Variants in SEC24D observed in about 807,000 individuals in gnomAD.
SEC24D encodes the protein SEC24 homolog D, COPII component, also known as protein transport protein Sec24D.
A neutral mutation model predicts 116.9 loss-of-function variants in SEC24D; 69 were observed. That is an observed-to-expected ratio of 0.59 (90% CI 0.49 to 0.72). The LOEUF (loss-of-function observed/expected upper bound fraction) is 0.72, where lower values mean the gene tolerates loss of function less well. Among genes scored for constraint, SEC24D ranks in the 30% least tolerant of loss-of-function variants. The pLI, the probability that SEC24D is intolerant of heterozygous loss-of-function variation, is 0.00. For missense variants in SEC24D, 1,131 were observed against 1,264.1 expected, an observed-to-expected ratio of 0.89 and a Z score of 1.60; for synonymous variants, 405 against 442.8, an observed-to-expected ratio of 0.91 and a Z score of 1.07.
chr4:118,755,466 A>AG (rs1043340748), intron 11 of SEC24D, among the ~76,000 whole-genome samples: 1 of 122,244 alleles, frequency 8.2e-6, no homozygotes, highest in African/African-American at 3.4e-5. Context: ...CAAACAGACA[A>AG]AAAAAAAAAA....
intron 7 of SEC24D, 138 bp from the exon 8 acceptor site, chr4:118,797,948 T>C: frequency 1.5e-6 from 1 of 659,352 alleles, no homozygotes; most frequent in Non-Finnish European, 2.3e-6. Flanking sequence ...TGATTTGTTT[T>C]TTAAAAAAGT....
intron 21 of SEC24D, 47 bp from the exon 22 acceptor site, chr4:118,728,697 G>A (rs376044153): frequency 1.2e-4 from 136 of 1,101,450 alleles, no homozygotes; most frequent in Non-Finnish European, 1.5e-5. Context: ...ATAACATTTA[G>A]ATAGAAGTAG....
At chr4:118,830,824 G>C (rs973637790) in intron 2 of SEC24D, among the ~76,000 whole-genome samples, 1 of 151,964 alleles carries the variant, frequency 6.6e-6, no homozygotes, top group Admixed American at 6.6e-5. Flanking sequence ...AGGAGTTGAT[G>C]GTTTGGAAAA....
At chr4:118,774,512 C>CAGTG (rs758328431) in intron 8 of SEC24D, among the ~76,000 whole-genome samples, 17 of 152,154 alleles carry the variant, frequency 1.1e-4, no homozygotes, top group Non-Finnish European at 2.2e-4. Context: ...AATGCAAGGT[C>CAGTG]AGTGATAGGA....
intron 10 of SEC24D, chr4:118,758,588 T>C (rs1421614901): frequency 6.6e-6 from 1 of 152,120 alleles, no homozygotes; most frequent in Non-Finnish European, 1.5e-5. Context: ...TCTTACAAAA[T>C]ATTTAGAAAA....
At chr4:118,780,852 T>C (rs539326372) in intron 8 of SEC24D, among the ~76,000 whole-genome samples, 4 of 152,096 alleles carry the variant, frequency 2.6e-5, no homozygotes, top group African/African-American at 9.7e-5. Context: ...CTTGTCCCTT[T>C]TGATCTTTGT....
At chr4:118,748,057 A>T (rs1726628965) in intron 13 of SEC24D, among the ~76,000 whole-genome samples, 1 of 152,144 alleles carries the variant, frequency 6.6e-6, no homozygotes, top group African/African-American at 2.4e-5. Context: ...CAAGGTCAGG[A>T]GATCAAGATC....
chr4:118,831,124 C>T (rs565090888), intron 2 of SEC24D, among the ~76,000 whole-genome samples: 2 of 152,186 alleles, frequency 1.3e-5, no homozygotes, highest in Admixed American at 6.5e-5. Context: ...CTGGTTCAAG[C>T]GATTCTCATG....
chr4:118,741,039 T>TA lies in SEC24D; in HGVS notation c.1996-3dup. ...AAATTGTTGTCTATCCAAGTGCATCTAAAAAATAAAAGTCTAATCAATGTC... is the reference window on the plus strand; with the variant it reads ...AAATTGTTGTCTATCCAAGTGCATCTAAAAAAATAAAAGTCTAATCAATGTC... On this transcript the variant is annotated splice_region_variant and splice_polypyrimidine_tract_variant and intron_variant, in intron 15 of 22. Coordinates refer to ENST00000280551, the MANE Select transcript of SEC24D (RefSeq NM_014822.4). 1 of 1,532,254 alleles carries TA rather than the reference T, an allele frequency of 6.5e-7. No homozygotes were observed. The highest frequency in any genetic ancestry group is 8.9e-7 in the Non-Finnish European group (1 of 1,126,590). 94.9% of individuals were successfully genotyped at this position (1,532,254 alleles called of 1,614,324 possible).
chr4:118,805,803 T>C (rs779415793), intron 7 of SEC24D, 40 bp downstream of exon 7: 11 of 1,296,710 alleles, frequency 8.5e-6, no homozygotes, highest in African/African-American at 4.6e-5. Context: ...CGGTGAGAAA[T>C]TTTAAAACCT....
chr4:118,817,885 A>G (rs1329940009), intron 3 of SEC24D, among the ~76,000 whole-genome samples: 2 of 152,062 alleles, frequency 1.3e-5, no homozygotes, highest in Non-Finnish European at 2.9e-5. Flanking sequence ...ACAAAAAATA[A>G]AACAAAATAA....
chr4:118,818,833 A>G (rs1408659546), intron 3 of SEC24D, among the ~76,000 whole-genome samples: 3 of 152,244 alleles, frequency 2.0e-5, no homozygotes, highest in African/African-American at 7.2e-5. Flanking sequence ...CCTATAGCAG[A>G]AAATTGGCTA....
intron 8 of SEC24D, among the ~76,000 whole-genome samples, chr4:118,770,974 T>A (rs1727873548): frequency 6.6e-6 from 1 of 152,158 alleles, no homozygotes; most frequent in South Asian, 2.1e-4. Context: ...TTTTAACTGT[T>A]TACATTTTAT....
rs770878253 is a variant in SEC24D at position 118,741,019 on chromosome 4, G to A, written c.2014C>T (p.Gln672Ter). The change falls in exon 16 of 23, where the codon CAA (glutamine) becomes TAA (stop). Residue 672 changes from glutamine to a stop codon, truncating the protein, a stop_gained. Coordinates refer to ENST00000280551, the MANE Select transcript of SEC24D (RefSeq NM_014822.4). LOFTEE classifies it high-confidence loss of function. ...TCATTTCTGAGGTCGTTCAAAAATT[G>A]TTGTCTATCCAAGTGCATCTAAAAA... Reference protein sequence around the residue: ...NNFQMHLDRQQFLNDLRNDIE... With the variant: ...NNFQMHLDRQ 2 of 1,580,426 alleles carry A rather than the reference G, an allele frequency of 1.3e-6. No individual in the cohort carries two copies. Among genetic ancestry groups the A allele is most frequent in the South Asian group, 1.1e-5 (1 of 87,356 alleles).
At chr4:118,746,284 G>A (rs1560628959) in intron 13 of SEC24D, among the ~76,000 whole-genome samples, 2 of 151,580 alleles carry the variant, frequency 1.3e-5, no homozygotes, top group Non-Finnish European at 2.9e-5. Context: ...ACAGGATAAC[G>A]TCCACAGTCC....
At chr4:118,767,002 G>T (rs569403958) in intron 9 of SEC24D, among the ~76,000 whole-genome samples, 17 of 152,164 alleles carry the variant, frequency 1.1e-4, no homozygotes, top group Admixed American at 5.9e-4. Context: ...TATCCAATTT[G>T]CCCTGAGTGG....
At chr4:118,736,002 C>T (rs1461186651) in intron 19 of SEC24D, 3 of 135,410 alleles carry the variant, frequency 2.2e-5, no homozygotes, top group African/African-American at 8.1e-5. Flanking sequence ...CCTAATTTAT[C>T]TTGTTTCTAG....
chr4:118,731,006 A>G (rs2110429856), intron 21 of SEC24D: 1 of 328,344 alleles, frequency 3.0e-6, no homozygotes. Context: ...CATCTCACTG[A>G]TTTGTTATGA....
At chr4:118,743,650 C>A (rs1726348125) in intron 15 of SEC24D, among the ~76,000 whole-genome samples, 1 of 152,182 alleles carries the variant, frequency 6.6e-6, no homozygotes. Context: ...AGGCATTGGG[C>A]CACTGTGCCC....
Sources: gnomAD v4.1 joint callset for allele counts (sites outside exome capture counted in the v4.1 genomes callset) on GRCh38, gnomAD v4.1.1 for gene constraint, MANE v1.5 for transcripts, NCBI Gene and HGNC (gene_info 2026-07-23, HGNC 2026-07-21) for gene names.